The following NTN4 variants were observed in gnomAD, a reference collection of about 807,000 sequenced individuals.
NTN4 encodes the protein netrin-4.
In NTN4, 32 loss-of-function variants were observed where a neutral mutation model predicts 73.6. The ratio of observed to expected loss-of-function variants is 0.44; its 90% CI spans 0.33 to 0.58. The LOEUF (loss-of-function observed/expected upper bound fraction) is 0.58, where lower values mean the gene tolerates loss of function less well. NTN4 is among the 20% of genes least tolerant of loss of function. NTN4 has a pLI of 0.04. For synonymous variants in NTN4, 258 were observed against 287.5 expected, an observed-to-expected ratio of 0.90 and a Z score of 1.04; for missense variants, 654 against 798.3, an observed-to-expected ratio of 0.82 and a Z score of 2.18.
At chr12:95,786,881 C>T (rs999874008) in intron 2 of NTN4, 58 bp downstream of exon 2, 66 of 1,409,594 alleles carry the variant, frequency 4.7e-5, no homozygotes, top group Middle Eastern at 1.8e-4. Context: ...AAAAAAAATG[C>T]GGGCTGGTAA....
chr12:95,780,077 T>G (rs1234173136), intron 2 of NTN4, among the ~76,000 whole-genome samples: 1 of 152,122 alleles, frequency 6.6e-6, no homozygotes, highest in East Asian at 1.9e-4. Context: ...CAAATGGTGC[T>G]GGGAAAACTG....
At chr12:95,694,859 G>T (rs1313716483) in intron 5 of NTN4, among the ~76,000 whole-genome samples, 1 of 152,126 alleles carries the variant, frequency 6.6e-6, no homozygotes, top group Admixed American at 6.5e-5. Flanking sequence ...AGGCATGGTG[G>T]CTCATGCCTG....
At chr12:95,689,127 T>A (rs2078383967) in intron 5 of NTN4, among the ~76,000 whole-genome samples, 2 of 152,188 alleles carry the variant, frequency 1.3e-5, no homozygotes, top group Admixed American at 1.3e-4. Flanking sequence ...CAATAGAGCA[T>A]GAAATGTTGC....
At chr12:95,722,036 C>T (rs912806851) in intron 3 of NTN4, among the ~76,000 whole-genome samples, 5 of 151,306 alleles carry the variant, frequency 3.3e-5, no homozygotes, top group Non-Finnish European at 7.4e-5. Flanking sequence ...GCACTGATTC[C>T]GAGACTGCTT....
rs143141724 is a variant in NTN4 at position 95,738,174 on chromosome 12, T to C, written c.586-30A>G. On this transcript the variant is annotated intron_variant, in intron 2 of 9. Transcript: ENST00000343702. ...AAGGAGAAAGAAAATACCATGCGTT[T>C]ATAGGACTGTGCGCAAACCCTGAAT... is the stretch of plus-strand genomic sequence containing the variant. The C allele has an allele frequency of 3.2e-3, 5,083 of 1,584,968 alleles. 132 individuals carry two copies. The highest frequency in any genetic ancestry group is 1.2e-3 in the Non-Finnish European group (1,352 of 1,163,342).
intron 5 of NTN4, among the ~76,000 whole-genome samples, chr12:95,684,531 C>T (rs1256308429): frequency 6.6e-6 from 1 of 151,238 alleles, no homozygotes; most frequent in African/African-American, 2.4e-5. Flanking sequence ...TGGTCTCAAA[C>T]TCCTGGCCTC....
At chr12:95,759,378 TA>T (rs575911697) in intron 2 of NTN4, among the ~76,000 whole-genome samples, 287 of 152,298 alleles carry the variant, frequency 1.9e-3, no homozygotes, top group African/African-American at 6.8e-3. Flanking sequence ...TCTTTTTACT[TA>T]ATCATCTTTT....
intron 5 of NTN4, among the ~76,000 whole-genome samples, chr12:95,709,540 C>CTCTT (rs377625911): frequency 8.0e-5 from 11 of 137,126 alleles, no homozygotes; most frequent in East Asian, 6.4e-4. Flanking sequence ...CTCTCTCTCT[C>CTCTT]TTTTTTTTTT....
chr12:95,688,037 T>C (rs987689364), intron 5 of NTN4, among the ~76,000 whole-genome samples: 1 of 152,176 alleles, frequency 6.6e-6, no homozygotes, highest in Non-Finnish European at 1.5e-5. Flanking sequence ...GGTTGTGGAA[T>C]TGCCTAGCTT....
intron 5 of NTN4, among the ~76,000 whole-genome samples, chr12:95,695,285 A>G (rs2078432660): frequency 6.6e-6 from 1 of 152,200 alleles, no homozygotes; most frequent in African/African-American, 2.4e-5. Context: ...TTTAAAAAAT[A>G]AATGTACAGT....
At chr12:95,754,488 C>T (rs964894725) in intron 2 of NTN4, among the ~76,000 whole-genome samples, 1 of 152,128 alleles carries the variant, frequency 6.6e-6, no homozygotes. Flanking sequence ...GCCAAGCCAT[C>T]GCATCCCCTG....
intron 3 of NTN4, among the ~76,000 whole-genome samples, chr12:95,729,131 C>T (rs999010098): frequency 7.9e-5 from 12 of 152,138 alleles, no homozygotes; most frequent in African/African-American, 2.7e-4. Flanking sequence ...CAGACTAATA[C>T]ATGCCCTTAG....
chr12:95,674,327 G>A (rs1360667694), intron 7 of NTN4, among the ~76,000 whole-genome samples: 2 of 152,104 alleles, frequency 1.3e-5, no homozygotes, highest in Admixed American at 1.3e-4. Context: ...TAACCCTTCA[G>A]CCTAGAAGAG....
intron 2 of NTN4, among the ~76,000 whole-genome samples, chr12:95,762,299 A>G (rs1210094035): frequency 8.5e-5 from 13 of 152,236 alleles, no homozygotes; most frequent in Non-Finnish European, 1.9e-4. Flanking sequence ...ACAGACTTCA[A>G]AGGCACCTCC....
chr12:95,709,274 G>C (rs1471089599), intron 5 of NTN4, among the ~76,000 whole-genome samples: 1 of 152,058 alleles, frequency 6.6e-6, no homozygotes, highest in Admixed American at 6.5e-5. Flanking sequence ...GAAAGGAAGG[G>C]CATGATCATC....
intron 8 of NTN4, among the ~76,000 whole-genome samples, chr12:95,668,815 C>A (rs1269461678): frequency 6.6e-6 from 1 of 151,916 alleles, no homozygotes; most frequent in Non-Finnish European, 1.5e-5. Context: ...CATGGTGAAA[C>A]CCCATCTCTG....
chr12:95,752,528 A>C (rs183849310), intron 2 of NTN4, among the ~76,000 whole-genome samples: 3 of 151,936 alleles, frequency 2.0e-5, no homozygotes, highest in Non-Finnish European at 2.9e-5. Flanking sequence ...TACTGCCACA[A>C]AGCTTCACAG....
intron 2 of NTN4, among the ~76,000 whole-genome samples, chr12:95,738,383 T>G (rs1446854155): frequency 5.9e-5 from 9 of 152,114 alleles, no homozygotes; most frequent in Non-Finnish European, 1.2e-4. Context: ...ACCTGACCCT[T>G]GAGATAAAGG....
intron 9 of NTN4, among the ~76,000 whole-genome samples, chr12:95,664,888 A>G (rs916803781): frequency 9.2e-5 from 14 of 152,156 alleles, no homozygotes; most frequent in African/African-American, 3.1e-4. Flanking sequence ...ATAAACTCAT[A>G]TAAACAATGA....
Sources: gnomAD v4.1 joint callset for allele counts (sites outside exome capture counted in the v4.1 genomes callset) on GRCh38, gnomAD v4.1.1 for gene constraint, MANE v1.5 for transcripts, NCBI Gene and HGNC (gene_info 2026-07-23, HGNC 2026-07-21) for gene names.